Variants in SDHC observed in about 807,000 individuals in gnomAD.
SDHC encodes succinate dehydrogenase complex subunit C.
In SDHC, 11 loss-of-function variants were observed where a neutral mutation model predicts 22.6. The observed-to-expected ratio is 0.49, with a 90% confidence interval of 0.31 to 0.81. The LOEUF is 0.81. SDHC is among the 30% of genes least tolerant of loss of function. SDHC has a pLI of 0.05. For missense variants in SDHC, 160 were observed against 212.0 expected, an observed-to-expected ratio of 0.75 and a Z score of 1.52; for synonymous variants, 80 against 77.8, an observed-to-expected ratio of 1.03 and a Z score of -0.15.
At chr1:161,358,674 C>T (rs1342641345) in intron 5 of SDHC, among the ~76,000 whole-genome samples, 1 of 151,700 alleles carries the variant, frequency 6.6e-6, no homozygotes, top group Non-Finnish European at 1.5e-5. Context: ...CGCCTGTAAT[C>T]TCAGCATTTT....
chr1:161,323,248 T>G (rs911492594), intron 1 of SDHC, among the ~76,000 whole-genome samples: 6 of 152,162 alleles, frequency 3.9e-5, no homozygotes, highest in Non-Finnish European at 7.3e-5. Context: ...TCCGTCCGCC[T>G]CGGCCTCCCA....
intron 4 of SDHC, among the ~76,000 whole-genome samples, chr1:161,348,014 A>C (rs1453383706): frequency 6.6e-6 from 1 of 152,230 alleles, no homozygotes; most frequent in African/African-American, 2.4e-5. Context: ...GTAACAGGAC[A>C]AGCTGGCCTC....
chr1:161,334,838 CT>C (rs1671411620), intron 3 of SDHC, among the ~76,000 whole-genome samples: 1 of 152,194 alleles, frequency 6.6e-6, no homozygotes, highest in Non-Finnish European at 1.5e-5. Context: ...ACATGAACAT[CT>C]TTAAGGAGAC....
intron 4 of SDHC, among the ~76,000 whole-genome samples, chr1:161,352,039 A>G (rs1023760028): frequency 2.6e-5 from 4 of 152,260 alleles, no homozygotes; most frequent in Middle Eastern, 6.8e-3. Context: ...AAAAAGCACT[A>G]TTTAATTTTT....
intron 5 of SDHC, among the ~76,000 whole-genome samples, chr1:161,361,560 C>A (rs1672509933): frequency 6.6e-6 from 1 of 152,146 alleles, no homozygotes; most frequent in Non-Finnish European, 1.5e-5. Flanking sequence ...CTGTAAGAGG[C>A]TGGGCGCAGT....
intron 5 of SDHC, among the ~76,000 whole-genome samples, chr1:161,361,196 T>C (rs948414572): frequency 4.6e-5 from 7 of 151,916 alleles, no homozygotes; most frequent in African/African-American, 1.4e-4. Flanking sequence ...GACCCCGTTC[T>C]CCACAAAAAG....
intron 4 of SDHC, among the ~76,000 whole-genome samples, chr1:161,348,237 C>T (rs1671970266): frequency 3.3e-5 from 5 of 151,876 alleles, no homozygotes; most frequent in Admixed American, 3.3e-4. Flanking sequence ...GCCCACTGCA[C>T]TTCTGTCTCC....
At chr1:161,342,514 T>C (rs1356860641) in intron 4 of SDHC, among the ~76,000 whole-genome samples, 1 of 151,798 alleles carries the variant, frequency 6.6e-6, no homozygotes, top group East Asian at 1.9e-4. Flanking sequence ...TATGTCTTTT[T>C]TTTTTTTTTT....
intron 4 of SDHC, among the ~76,000 whole-genome samples, chr1:161,355,099 A>T (rs1672226328): frequency 6.6e-6 from 1 of 152,204 alleles, no homozygotes; most frequent in Non-Finnish European, 1.5e-5. Context: ...GCTCCAACAG[A>T]TAATGCAGCC....
intron 3 of SDHC, among the ~76,000 whole-genome samples, chr1:161,329,530 C>T (rs1447794707): frequency 6.6e-6 from 1 of 151,978 alleles, no homozygotes; most frequent in Non-Finnish European, 1.5e-5. Context: ...TGAGGTTTTG[C>T]CATGTTGTCC....
At chr1:161,344,533 ATATG>A (rs1190076125) in intron 4 of SDHC, among the ~76,000 whole-genome samples, 1 of 152,062 alleles carries the variant, frequency 6.6e-6, no homozygotes, top group Non-Finnish European at 1.5e-5. Flanking sequence ...ATTCATCAGC[ATATG>A]TCCTGTTTTT....
At chr1:161,320,482 G>T (rs1670799478) in intron 1 of SDHC, among the ~76,000 whole-genome samples, 1 of 152,018 alleles carries the variant, frequency 6.6e-6, no homozygotes, top group African/African-American at 2.4e-5. Flanking sequence ...GTCACATCTT[G>T]TTTTGGACTA....
chr1:161,325,619 G>A (rs1270696141), intron 2 of SDHC, among the ~76,000 whole-genome samples: 1 of 152,142 alleles, frequency 6.6e-6, no homozygotes, highest in Non-Finnish European at 1.5e-5. Flanking sequence ...ATGGAGAATT[G>A]TGCATAGCCT....
Position 161,328,389 on chromosome 1 carries a change from AT to A in SDHC, c.78-3del. 6.3e-7 allele frequency: 1 copy of A among 1,599,388 alleles called. No homozygotes were observed. The highest frequency in any genetic ancestry group is 8.6e-7 in the Non-Finnish European group (1 of 1,167,006). ...AGTTATTTTCAAACGGTCTGGTTTT[AT>A]TTTAGTGCTGTTCCTTTGGGAACCA... On this transcript the variant is annotated splice_region_variant and splice_polypyrimidine_tract_variant and intron_variant, in intron 2 of 5. Transcript: ENST00000367975.
chr1:161,317,939 T>C (rs111751106), intron 1 of SDHC, among the ~76,000 whole-genome samples: 17,784 of 151,890 alleles, frequency 0.12, 1,412 homozygotes, highest in African/African-American at 0.22. Context: ...TTTGGGAGGC[T>C]GAGGCTGTCA....
intron 4 of SDHC, among the ~76,000 whole-genome samples, chr1:161,353,966 A>C (rs1438707523): frequency 6.6e-6 from 1 of 152,224 alleles, no homozygotes; most frequent in Non-Finnish European, 1.5e-5. Flanking sequence ...CAGTAGCACA[A>C]TCACAGCTCA....
chr1:161,356,952 G>C lies in SDHC; in HGVS notation c.405+112G>C. 1.5e-5 allele frequency: 17 copies of C among 1,129,920 alleles called. No homozygotes were observed. In the South Asian group the frequency reaches 2.0e-4, roughly 14 times the overall value. The allele number at this position is 1,129,920 out of a possible 1,614,324, so 70.0% of individuals were successfully genotyped here. A position where few individuals can be genotyped will look rare whatever the true frequency, so the allele number is the denominator to read the frequency against. Reference sequence around the variant, plus strand: ...CTGTTCTTTTTTTTTTTTCCCAAGAGTGGAGTCTCGCTCTATTGCCCAGGC... The same window carrying C: ...CTGTTCTTTTTTTTTTTTCCCAAGACTGGAGTCTCGCTCTATTGCCCAGGC... On this transcript the variant is annotated intron_variant, in intron 5 of 5. Transcript: ENST00000367975.
chr1:161,353,091 A>G (rs1006525543), intron 4 of SDHC, among the ~76,000 whole-genome samples: 2 of 152,242 alleles, frequency 1.3e-5, no homozygotes. Context: ...TGATTAAACT[A>G]ATTGACATAA....
chr1:161,359,592 G>A (rs1186743253), intron 5 of SDHC, among the ~76,000 whole-genome samples: 1 of 152,238 alleles, frequency 6.6e-6, no homozygotes, highest in Non-Finnish European at 1.5e-5. Context: ...TAAGAGAGGG[G>A]AGGTTTTATA....
Sources: gnomAD v4.1 joint callset for allele counts (sites outside exome capture counted in the v4.1 genomes callset) on GRCh38, gnomAD v4.1.1 for gene constraint, MANE v1.5 for transcripts, NCBI Gene and HGNC (gene_info 2026-07-23, HGNC 2026-07-21) for gene names.